The following GABRB2 variants were observed in gnomAD, a reference collection of about 807,000 sequenced individuals.
GABRB2 encodes the protein gamma-aminobutyric acid receptor subunit beta-2.
GABRB2 carries 16 observed loss-of-function variants against 54.7 expected under a neutral mutation model. That is an observed-to-expected ratio of 0.29 (90% CI 0.20 to 0.44). GABRB2 has a LOEUF of 0.44. Among genes scored for constraint, GABRB2 ranks in the 20% least tolerant of loss-of-function variants. GABRB2 has a pLI of 1.00. For missense variants in GABRB2, 355 were observed against 644.0 expected (o/e 0.55, Z 4.86); for synonymous variants, 244 against 233.8 (o/e 1.04, Z -0.40).
intron 3 of GABRB2, among the ~76,000 whole-genome samples, chr5:161,471,931 A>G (rs1340807364): frequency 1.3e-5 from 2 of 151,838 alleles, no homozygotes; most frequent in African/African-American, 4.8e-5. Flanking sequence ...TGCTTTTTGC[A>G]TGCATTATTT....
At chr5:161,335,105 C>A (rs1250313211) in intron 6 of GABRB2, among the ~76,000 whole-genome samples, 1 of 152,136 alleles carries the variant, frequency 6.6e-6, no homozygotes, top group African/African-American at 2.4e-5. Flanking sequence ...CCTGTACTCA[C>A]CAGTAATTAA....
At chr5:161,530,592 GA>G (rs1760423947) in intron 3 of GABRB2, among the ~76,000 whole-genome samples, 1 of 152,082 alleles carries the variant, frequency 6.6e-6, no homozygotes, top group African/African-American at 2.4e-5. Flanking sequence ...ATGTCTTATA[GA>G]AGAGAAATTT....
chr5:161,361,258 C>T (rs185859630), intron 5 of GABRB2, among the ~76,000 whole-genome samples: 1 of 151,916 alleles, frequency 6.6e-6, no homozygotes, highest in Non-Finnish European at 1.5e-5. Flanking sequence ...ACTGAATTTT[C>T]AATGATGTTA....
At chr5:161,341,973 A>ATATATATATATATATT (rs1754179856) in intron 5 of GABRB2, among the ~76,000 whole-genome samples, 1 of 129,030 alleles carries the variant, frequency 7.8e-6, no homozygotes, top group African/African-American at 2.8e-5. Context: ...ATATATACAT[A>ATATATATATATATATT]CTTTATTATT....
In GABRB2 at chr5:161,291,593, T is replaced by C. The variant is rs1032203781; in HGVS notation, c.*2488A>G. The C allele has an allele frequency of 6.6e-6, 1 of 152,628 alleles. No individual in the cohort carries two copies. The highest frequency in any genetic ancestry group is 6.6e-5 in the Admixed American group (1 of 15,264). 9.5% of individuals were successfully genotyped at this position (152,628 alleles called of 1,614,324 possible). A position where few individuals can be genotyped will look rare whatever the true frequency, so the allele number is the denominator to read the frequency against. The stretch of plus-strand genomic sequence containing the variant: ...TTTTTCCTTTGCCTTGTTTCTTGTA[T>C]CACTGAGAGCAGAAATGAATTCCTG... On this transcript the variant is annotated 3_prime_UTR_variant, in exon 10 of 10. Transcript: ENST00000393959.
intron 5 of GABRB2, among the ~76,000 whole-genome samples, chr5:161,339,886 A>AT (rs748132656): frequency 5.3e-5 from 8 of 151,964 alleles, no homozygotes; most frequent in Non-Finnish European, 7.4e-5. Flanking sequence ...CAAAGAAAGC[A>AT]TTTTTTTCCC....
intron 4 of GABRB2, among the ~76,000 whole-genome samples, chr5:161,449,412 C>A (rs1030891398): frequency 6.6e-6 from 1 of 152,120 alleles, no homozygotes; most frequent in Non-Finnish European, 1.5e-5. Flanking sequence ...ATGTCTTTAT[C>A]TAATTAAAAC....
intron 9 of GABRB2, among the ~76,000 whole-genome samples, chr5:161,317,635 G>A (rs1758080836): frequency 6.6e-6 from 1 of 152,064 alleles, no homozygotes; most frequent in East Asian, 1.9e-4. Context: ...AAAACATACA[G>A]AGTATAATAG....
intron 5 of GABRB2, among the ~76,000 whole-genome samples, chr5:161,410,553 A>T (rs1000062298): frequency 6.6e-6 from 1 of 152,154 alleles, no homozygotes; most frequent in African/African-American, 2.4e-5. Flanking sequence ...AATCTGAAAG[A>T]CCACATTTAT....
intron 4 of GABRB2, among the ~76,000 whole-genome samples, chr5:161,415,461 C>G (rs35706983): frequency 6.6e-6 from 1 of 152,148 alleles, no homozygotes; most frequent in Non-Finnish European, 1.5e-5. Context: ...ATAGCACAGC[C>G]TAAACAGTCA....
At chr5:161,410,074 A>G (rs1756462245) in intron 5 of GABRB2, among the ~76,000 whole-genome samples, 1 of 152,190 alleles carries the variant, frequency 6.6e-6, no homozygotes, top group African/African-American at 2.4e-5. Context: ...CATAAAGGCT[A>G]AGAGTACCCT....
chr5:161,510,196 C>T (rs1350883856), intron 3 of GABRB2, among the ~76,000 whole-genome samples: 1 of 151,710 alleles, frequency 6.6e-6, no homozygotes, highest in Non-Finnish European at 1.5e-5. Flanking sequence ...ACTCATTGTG[C>T]TATCAAATAG....
chr5:161,487,077 G>A (rs1020178364), intron 3 of GABRB2, among the ~76,000 whole-genome samples: 1 of 151,842 alleles, frequency 6.6e-6, no homozygotes, highest in African/African-American at 2.4e-5. Context: ...ACAAAGAATT[G>A]ATATTCTTTC....
At chr5:161,339,031 G>A (rs1754076388) in intron 5 of GABRB2, among the ~76,000 whole-genome samples, 1 of 152,036 alleles carries the variant, frequency 6.6e-6, no homozygotes. Flanking sequence ...CATGTCAAAT[G>A]TAATCCAATT....
At chr5:161,474,365 T>C (rs1368454443) in intron 3 of GABRB2, among the ~76,000 whole-genome samples, 1 of 152,034 alleles carries the variant, frequency 6.6e-6, no homozygotes, top group Non-Finnish European at 1.5e-5. Context: ...AAATCCTAAA[T>C]GGGTTTTCTC....
At chr5:161,366,698 C>G (rs1754983485) in intron 5 of GABRB2, among the ~76,000 whole-genome samples, 1 of 152,134 alleles carries the variant, frequency 6.6e-6, no homozygotes, top group Admixed American at 6.6e-5. Flanking sequence ...GTAATCCCAG[C>G]ACTTTGGGAG....
At chr5:161,505,340 G>C (rs879608976) in intron 3 of GABRB2, among the ~76,000 whole-genome samples, 2 of 151,624 alleles carry the variant, frequency 1.3e-5, no homozygotes, top group Admixed American at 6.6e-5. Flanking sequence ...CATGTTTGCC[G>C]GGCTGGTCTT....
chr5:161,482,184 G>T (rs562893193), intron 3 of GABRB2, among the ~76,000 whole-genome samples: 1 of 152,070 alleles, frequency 6.6e-6, no homozygotes, highest in African/African-American at 2.4e-5. Context: ...AGGGATGTGG[G>T]TTGCAAACAT....
chr5:161,299,109 A>G (rs1757464713), intron 9 of GABRB2, among the ~76,000 whole-genome samples: 1 of 152,188 alleles, frequency 6.6e-6, no homozygotes, highest in Non-Finnish European at 1.5e-5. Context: ...TGAAGGATGG[A>G]TAAGAATGTC....
Sources: gnomAD v4.1 joint callset for allele counts (sites outside exome capture counted in the v4.1 genomes callset) on GRCh38, gnomAD v4.1.1 for gene constraint, MANE v1.5 for transcripts, NCBI Gene and HGNC (gene_info 2026-07-23, HGNC 2026-07-21) for gene names.